RFX3: variants seen among roughly 807,000 people sequenced by gnomAD.
RFX3 encodes the protein transcription factor RFX3.
In RFX3, 14 loss-of-function variants were observed where a neutral mutation model predicts 98.6. The observed-to-expected ratio is 0.14, with a 90% CI of 0.09 to 0.22. RFX3 has a LOEUF of 0.22. RFX3 is among the 10% of genes least tolerant of loss of function. RFX3 has a pLI of 1.00. For synonymous variants in RFX3, 383 were observed against 328.4 expected (o/e 1.17, Z -1.80); for missense variants, 639 against 926.9 (o/e 0.69, Z 4.03).
chr9:3,409,355 T>G (rs969214368), intron 1 of RFX3, among the ~76,000 whole-genome samples: 1 of 152,216 alleles, frequency 6.6e-6, no homozygotes, highest in Non-Finnish European at 1.5e-5. Flanking sequence ...TTTAAGTAAC[T>G]AAAAAGCATT....
At chr9:3,287,284 T>C (rs957827136) in intron 7 of RFX3, among the ~76,000 whole-genome samples, 1 of 151,948 alleles carries the variant, frequency 6.6e-6, no homozygotes, top group Non-Finnish European at 1.5e-5. Flanking sequence ...CTGGGACCTA[T>C]GCAGAGGCCT....
intron 7 of RFX3, among the ~76,000 whole-genome samples, chr9:3,280,342 G>T (rs1825779578): frequency 6.6e-6 from 1 of 151,798 alleles, no homozygotes; most frequent in Non-Finnish European, 1.5e-5. Context: ...CTTCCAGGTA[G>T]TGATAACTTT....
intron 2 of RFX3, among the ~76,000 whole-genome samples, chr9:3,348,673 C>T (rs946053648): frequency 6.6e-6 from 1 of 151,934 alleles, no homozygotes; most frequent in Non-Finnish European, 1.5e-5. Flanking sequence ...TCCCCCAGTA[C>T]CCTCCAGAGG....
At chr9:3,525,642 A>G (rs1260545667) in intron 1 of RFX3, 105 bp downstream of exon 1, 1 of 155,338 alleles carries the variant, frequency 6.4e-6, no homozygotes, top group African/African-American at 2.4e-5. Flanking sequence ...AGACCCCAGC[A>G]CAGCCACACT....
chr9:3,303,775 T>C (rs2130169253), intron 4 of RFX3, among the ~76,000 whole-genome samples: 1 of 152,080 alleles, frequency 6.6e-6, no homozygotes, highest in South Asian at 2.1e-4. Context: ...TGGACAGTTT[T>C]TTAAGAGCTT....
At chr9:3,490,093 T>C (rs945593200) in intron 1 of RFX3, among the ~76,000 whole-genome samples, 15 of 152,068 alleles carry the variant, frequency 9.9e-5, no homozygotes, top group African/African-American at 3.1e-4. Flanking sequence ...ATAGTAGTGA[T>C]AGAAAATAAA....
chr9:3,381,151 G>C (rs992540139), intron 2 of RFX3, among the ~76,000 whole-genome samples: 6 of 151,804 alleles, frequency 4.0e-5, no homozygotes, highest in African/African-American at 9.7e-5. Flanking sequence ...TGAACCCATA[G>C]GCAACAAACC....
intron 1 of RFX3, among the ~76,000 whole-genome samples, chr9:3,466,235 AAC>A (rs1479880335): frequency 6.6e-6 from 1 of 152,174 alleles, no homozygotes; most frequent in Non-Finnish European, 1.5e-5. Context: ...ATAATAGAAA[AAC>A]AGAGACTCAG....
chr9:3,449,675 G>T (rs1281092073), intron 1 of RFX3, among the ~76,000 whole-genome samples: 1 of 151,922 alleles, frequency 6.6e-6, no homozygotes, highest in Non-Finnish European at 1.5e-5. Flanking sequence ...AACATGGCAA[G>T]ACCTTGTCTC....
intron 14 of RFX3, among the ~76,000 whole-genome samples, chr9:3,255,910 T>A (rs557644978): frequency 1.1e-4 from 16 of 152,160 alleles, no homozygotes; most frequent in Non-Finnish European, 2.2e-4. Flanking sequence ...ATCATTAGAA[T>A]CACCAGGAGA....
At chr9:3,290,546 G>C (rs1827208449) in intron 6 of RFX3, among the ~76,000 whole-genome samples, 1 of 151,980 alleles carries the variant, frequency 6.6e-6, no homozygotes, top group Non-Finnish European at 1.5e-5. Flanking sequence ...AGTAGGTTAG[G>C]TCCCCAAATA....
At chr9:3,447,097 C>T (rs551936281) in intron 1 of RFX3, among the ~76,000 whole-genome samples, 5 of 152,082 alleles carry the variant, frequency 3.3e-5, no homozygotes, top group Admixed American at 6.6e-5. Flanking sequence ...ATGCCTTATA[C>T]ATGTAGGTTA....
chr9:3,469,386 C>A (rs1346291979), intron 1 of RFX3, among the ~76,000 whole-genome samples: 2 of 152,036 alleles, frequency 1.3e-5, no homozygotes, highest in African/African-American at 2.4e-5. Context: ...ATTTAAGGAT[C>A]AACTTGGGTA....
intron 3 of RFX3, among the ~76,000 whole-genome samples, chr9:3,337,401 G>A (rs1040926060): frequency 3.3e-5 from 5 of 152,180 alleles, no homozygotes; most frequent in African/African-American, 1.2e-4. Flanking sequence ...GGAAACCAGG[G>A]ACAAATATTT....
At chr9:3,409,979 C>T (rs1261487677) in intron 1 of RFX3, among the ~76,000 whole-genome samples, 1 of 152,068 alleles carries the variant, frequency 6.6e-6, no homozygotes, top group South Asian at 2.1e-4. Context: ...AGGAGGAAGG[C>T]ACTCAGAGGT....
rs1817328594 is a variant in RFX3 at position 3,221,278 on chromosome 9, T to C, written c.*3764A>G. 1 of 152,098 alleles carries C rather than the reference T, an allele frequency of 6.6e-6. No homozygotes were observed. The highest frequency in any genetic ancestry group is 6.6e-5 in the Admixed American group (1 of 15,256). The allele number at this position is 152,098 out of a possible 1,614,324, so 9.4% of individuals were successfully genotyped here. A position where few individuals can be genotyped will look rare whatever the true frequency, so the allele number is the denominator to read the frequency against. On this transcript the variant is annotated 3_prime_UTR_variant, in exon 17 of 17. Transcript: ENST00000617270. ...TGAGGAATTTTTAAAAATTTGAAAA[T>C]GCATTTAGCACTTTTAGACAGTGCA...
At chr9:3,271,989 C>A (rs1824552330) in intron 9 of RFX3, among the ~76,000 whole-genome samples, 1 of 152,110 alleles carries the variant, frequency 6.6e-6, no homozygotes, top group African/African-American at 2.4e-5. Flanking sequence ...CCTCCTCTTT[C>A]TCCTTTTTTA....
chr9:3,270,291 A>T, intron 11 of RFX3, 80 bp downstream of exon 11: 1 of 1,352,314 alleles, frequency 7.4e-7, no homozygotes, highest in Non-Finnish European at 1.0e-6. Flanking sequence ...ATCATTCTAG[A>T]TTGCAATGTC....
intron 1 of RFX3, among the ~76,000 whole-genome samples, chr9:3,523,818 G>C (rs758715159): frequency 1.3e-5 from 2 of 152,140 alleles, no homozygotes; most frequent in Admixed American, 6.5e-5. Context: ...ACCCAGTTTG[G>C]GGAGAGGAGG....
Sources: allele counts gnomAD v4.1 joint callset (sites outside exome capture counted in the v4.1 genomes callset), GRCh38; gene constraint gnomAD v4.1.1; transcripts MANE v1.5; gene names NCBI Gene and HGNC (gene_info 2026-07-23, HGNC 2026-07-21).